Variants in LRP6 observed in about 807,000 individuals in gnomAD.
LRP6 encodes the protein LDL receptor related protein 6.
LRP6 carries 43 observed loss-of-function variants against 184.1 expected under a neutral mutation model. That is an observed-to-expected ratio of 0.23 (90% CI 0.18 to 0.30). The LOEUF (loss-of-function observed/expected upper bound fraction) is 0.30. Ranked by LOEUF, LRP6 falls within the 10% of genes least tolerant of loss-of-function variation. The probability of loss-of-function intolerance (pLI) is 1.00; values close to 1 mark genes in which losing one functional copy is unlikely to be tolerated. For synonymous variants in LRP6, 719 were observed against 684.9 expected (o/e 1.05, Z -0.78); for missense variants, 1,571 against 2,005.3 (o/e 0.78, Z 4.14).
chr12:12,194,696 T>C (rs1390749383), intron 3 of LRP6, among the ~76,000 whole-genome samples: 3 of 152,156 alleles, frequency 2.0e-5, no homozygotes, highest in African/African-American at 7.2e-5. Flanking sequence ...GTAATCAGCA[T>C]ATCCATAATC....
chr12:12,222,579 G>A (rs66531650), intron 2 of LRP6, among the ~76,000 whole-genome samples: 1,815 of 144,108 alleles, frequency 0.013, 31 homozygotes, highest in Middle Eastern at 0.035. Context: ...AAAAAAAAAA[G>A]AAAGAAAGAA....
rs117949609 is a variant in LRP6 at position 12,265,333 on chromosome 12, T to C, written c.55+1348A>G. 6.1e-3 allele frequency among the ~76,000 whole-genome samples: 934 copies of C among 152,248 alleles called. 11 individuals are homozygous for C. The highest frequency in any genetic ancestry group is 9.3e-3 in the Non-Finnish European group (635 of 68,036). ...ATGTGGGAAAACTTTGTAATATGCT[T>C]AGAGTATCAAGTAATATAACATGCA... On this transcript the variant is annotated intron_variant, in intron 1 of 22. Transcript: ENST00000261349.
Position 12,241,968 on chromosome 12 carries a change from A to T in LRP6, c.449+2294T>A, listed in dbSNP as rs1224246911. Among the ~76,000 whole-genome samples, 3 of 152,252 alleles carry T rather than the reference A, an allele frequency of 2.0e-5. No homozygotes were observed. In the East Asian group the frequency reaches 5.8e-4, roughly 29 times the overall value. On this transcript the variant is annotated intron_variant, in intron 2 of 22. Coordinates refer to ENST00000261349, the MANE Select transcript of LRP6 (RefSeq NM_002336.3). ...GAAATTACTTCAGAAGATACTTATC[A>T]GACCTGCTACCCAGAAGTAAAGCTC...
At chr12:12,190,423 C>A (rs74061127) in intron 3 of LRP6, among the ~76,000 whole-genome samples, 3,030 of 152,234 alleles carry the variant, frequency 0.02, 102 homozygotes, top group African/African-American at 0.064. Flanking sequence ...GAGACTCCCC[C>A]CAACCTCACT....
Position 12,124,637 on chromosome 12 carries a change from G to A in LRP6, c.4475C>T (p.Ala1492Val). The A allele has an allele frequency of 6.2e-7, 1 of 1,612,858 alleles. No homozygotes were observed. The change falls in exon 22 of 23, where the codon GCC becomes GTC. Residue 1492 changes from alanine (A) to valine (V), a missense_variant. Physicochemically the swap from Ala to Val is moderately conservative, Grantham distance 64 (BLOSUM62 0). Around this residue, in one of 4 missense-constraint regions of LRP6, gnomAD observed 763 missense variants for 859.5 expected, o/e 0.89. Coordinates refer to ENST00000261349, the MANE Select transcript of LRP6 (RefSeq NM_002336.3). ...PAILNPPPSPATERSHYTMEF... is the reference protein window; with the variant it reads ...PAILNPPPSPVTERSHYTMEF... ...CATAGTGTAATGTGATCGCTCTGTG[G>A]CTGGGGATGGTGGAGGGTTCAAAAT...
At chr12:12,191,164 C>T (rs755682919) in intron 3 of LRP6, among the ~76,000 whole-genome samples, 18 of 152,188 alleles carry the variant, frequency 1.2e-4, no homozygotes, top group Non-Finnish European at 2.1e-4. Flanking sequence ...TAAGTGAATA[C>T]AATGAATTCA....
rs549992826 is a variant in LRP6, at chr12:12,186,507, C to A, written c.844+416G>T. On this transcript the variant is annotated intron_variant, in intron 4 of 22. Transcript: ENST00000261349. Reference sequence around the variant, plus strand: ...GACACTCCTGCCTCAGCCTCCCAAGCGGCTGGGACTACAGGTGCACACTAC... The same window carrying A: ...GACACTCCTGCCTCAGCCTCCCAAGAGGCTGGGACTACAGGTGCACACTAC... Among the ~76,000 whole-genome samples the A allele has an allele frequency of 8.0e-5, 12 of 150,722 alleles. No homozygotes were observed. In the East Asian group the frequency reaches 2.0e-3, roughly 25 times the overall value.
At position 12,231,130 on chromosome 12, in the gene LRP6, G is replaced by A. The variant is rs903728511; in HGVS notation, c.449+13132C>T. On this transcript the variant is annotated intron_variant, in intron 2 of 22. Transcript: ENST00000261349. Reference sequence around the variant, plus strand: ...TGGGTGGCGGAGGTTGCAGCAAGCCGAGATCGTGACACTACACTCTAGCCT... The same window carrying A: ...TGGGTGGCGGAGGTTGCAGCAAGCCAAGATCGTGACACTACACTCTAGCCT... Among the ~76,000 whole-genome samples, 12 of 123,654 alleles carry A rather than the reference G, an allele frequency of 9.7e-5. No individual in the cohort carries two copies. In the South Asian group the frequency reaches 1.4e-3, roughly 14 times the overall value. The allele number at this position is 123,654 out of a possible 152,430, so 81.1% of individuals were successfully genotyped here. A position where few individuals can be genotyped will look rare whatever the true frequency, so the allele number is the denominator to read the frequency against.
intron 20 of LRP6, among the ~76,000 whole-genome samples, chr12:12,126,201 C>T (rs1949669283): frequency 6.6e-6 from 1 of 152,236 alleles, no homozygotes; most frequent in African/African-American, 2.4e-5. Flanking sequence ...CCTAAACTAG[C>T]CCTTTGTCCC....
chr12:12,165,094 C>A lies in LRP6; in HGVS notation c.1747G>T (p.Val583Phe). The A allele has an allele frequency of 2.5e-6, 4 of 1,613,702 alleles. No homozygotes were observed. The highest frequency in any genetic ancestry group is 3.4e-6 in the Non-Finnish European group (4 of 1,179,690). ...PDLMGLKATN[V>F]HRVIGSNPCA... ...AGTTACTCACCAATCACTCGATGAA[C>A]ATTTGTAGCCTTTAGGCCCATGAGG... The change falls in exon 8 of 23, where the codon GTT (valine) becomes TTT (phenylalanine). Residue 583 changes from valine (V) to phenylalanine (F), a missense_variant. Around this residue, in one of 4 missense-constraint regions of LRP6, gnomAD observed 640 missense variants for 851.9 expected, o/e 0.75. Transcript: ENST00000261349.
chr12:12,153,712 CCT>C (rs1950111544), intron 12 of LRP6, among the ~76,000 whole-genome samples: 1 of 152,176 alleles, frequency 6.6e-6, no homozygotes, highest in African/African-American at 2.4e-5. Context: ...ACTCTAACCA[CCT>C]CTCTCACATT....
At chr12:12,259,018 T>C (rs888700652) in intron 1 of LRP6, among the ~76,000 whole-genome samples, 1 of 152,154 alleles carries the variant, frequency 6.6e-6, no homozygotes, top group African/African-American at 2.4e-5. Flanking sequence ...GCCCAGCACT[T>C]TGGAAGGCCA....
At chr12:12,126,583 G>T in intron 20 of LRP6, 108 bp downstream of exon 20, 1 of 870,324 alleles carries the variant, frequency 1.1e-6, no homozygotes. Flanking sequence ...TTTAAACTCA[G>T]AGTAATATGG....
intron 1 of LRP6, among the ~76,000 whole-genome samples, chr12:12,254,143 C>CAAAAA (rs34210761): frequency 4.3e-4 from 32 of 74,184 alleles, no homozygotes; most frequent in Admixed American, 6.0e-4. Flanking sequence ...GACTCTGTCT[C>CAAAAA]AAAAAAAAAA....
chr12:12,212,590 C>T (rs1424833300), intron 2 of LRP6, among the ~76,000 whole-genome samples: 4 of 152,210 alleles, frequency 2.6e-5, no homozygotes, highest in South Asian at 4.1e-4. Context: ...CATAGCAAAA[C>T]TTATAGTTTC....
At chr12:12,253,716 G>A (rs535081774) in intron 1 of LRP6, among the ~76,000 whole-genome samples, 1 of 152,118 alleles carries the variant, frequency 6.6e-6, no homozygotes, top group South Asian at 2.1e-4. Flanking sequence ...TCACTTTTAA[G>A]ATTATCAGTA....
rs138948624 is a variant in LRP6 at position 12,141,931 on chromosome 12, T to C, written c.3398-3397A>G. The stretch of plus-strand genomic sequence containing the variant: ...AACTTGTGCCTCGAATTCTGGAAAG[T>C]TCATAACTATGCTGGGGAGGATGGA... On this transcript the variant is annotated intron_variant, in intron 15 of 22. Coordinates refer to ENST00000261349, the MANE Select transcript of LRP6 (RefSeq NM_002336.3). Among the ~76,000 whole-genome samples, 3 of 152,314 alleles carry C rather than the reference T, an allele frequency of 2.0e-5. No individual in the cohort carries two copies. In the East Asian group the frequency reaches 5.8e-4, roughly 29 times the overall value.
chr12:12,199,343 T>C (rs1863853519), intron 3 of LRP6, among the ~76,000 whole-genome samples: 1 of 152,122 alleles, frequency 6.6e-6, no homozygotes, highest in Non-Finnish European at 1.5e-5. Context: ...TGTTGTCCAT[T>C]GTTGAATACA....
intron 2 of LRP6, among the ~76,000 whole-genome samples, chr12:12,228,681 G>C (rs190562963): frequency 1.7e-3 from 253 of 152,312 alleles, no homozygotes; most frequent in Non-Finnish European, 1.6e-3. Flanking sequence ...ATTGTGAACA[G>C]CGCATGCAAC....
Sources: allele counts gnomAD v4.1 joint callset (sites outside exome capture counted in the v4.1 genomes callset), GRCh38; gene constraint gnomAD v4.1.1; regional missense constraint gnomAD v4.1.1; transcripts MANE v1.5; gene names NCBI Gene and HGNC (gene_info 2026-07-23, HGNC 2026-07-21).